The following PDZRN4 variants were observed in gnomAD, a reference collection of about 807,000 sequenced individuals.
The protein encoded by PDZRN4 is PDZ domain-containing RING finger protein 4.
In PDZRN4, 70 loss-of-function variants were observed where a neutral mutation model predicts 99.0. The observed-to-expected ratio is 0.71, with a 90% CI of 0.58 to 0.86. The LOEUF is 0.86. PDZRN4 is among the 40% of genes least tolerant of loss of function. PDZRN4 has a pLI of 0.00. For missense variants in PDZRN4, 1,474 were observed against 1,331.2 expected (o/e 1.11, Z -1.67); for synonymous variants, 551 against 501.6 (o/e 1.10, Z -1.32).
intron 3 of PDZRN4, among the ~76,000 whole-genome samples, chr12:41,301,125 C>T (rs1225577049): frequency 1.3e-5 from 2 of 151,870 alleles, no homozygotes; most frequent in Non-Finnish European, 2.9e-5. Context: ...GGGAAATATC[C>T]CCAAACTCAT....
intron 3 of PDZRN4, among the ~76,000 whole-genome samples, chr12:41,204,542 A>G (rs932198398): frequency 1.3e-5 from 2 of 151,974 alleles, no homozygotes; most frequent in Non-Finnish European, 1.5e-5. Context: ...AACTTACAAC[A>G]ATGACCAAAG....
intron 5 of PDZRN4, among the ~76,000 whole-genome samples, chr12:41,517,063 T>C (rs919647908): frequency 1.3e-5 from 2 of 152,088 alleles, no homozygotes; most frequent in Non-Finnish European, 2.9e-5. Context: ...GATTTCTTAC[T>C]GAACGAAACA....
rs936248890 is a variant in PDZRN4, at chr12:41,188,345, C to T, written c.-111C>T. Reference sequence around the variant, plus strand: ...ATCACACCTCCCACCCGCCACCTCCCTCCACTGCCGCCGCCGCGAGACGGC... The same window carrying T: ...ATCACACCTCCCACCCGCCACCTCCTTCCACTGCCGCCGCCGCGAGACGGC... On this transcript the variant is annotated 5_prime_UTR_variant, in exon 1 of 10. Coordinates refer to ENST00000402685, the MANE Select transcript of PDZRN4 (RefSeq NM_001164595.2). 4.8e-6 allele frequency: 5 copies of T among 1,043,706 alleles called. No homozygotes were observed. Among genetic ancestry groups the T allele is most frequent in the Non-Finnish European group, 6.7e-6 (5 of 747,474 alleles). 64.7% of individuals were successfully genotyped at this position (1,043,706 alleles called of 1,614,324 possible). A position where few individuals can be genotyped will look rare whatever the true frequency, so the allele number is the denominator to read the frequency against.
chr12:41,378,651 T>A (rs1367019484), intron 3 of PDZRN4, among the ~76,000 whole-genome samples: 2 of 150,924 alleles, frequency 1.3e-5, no homozygotes, highest in African/African-American at 4.9e-5. Flanking sequence ...GCCTCCCAAG[T>A]AGCTGGGATT....
intron 3 of PDZRN4, among the ~76,000 whole-genome samples, chr12:41,329,729 T>C (rs1250761082): frequency 3.3e-5 from 5 of 152,128 alleles, no homozygotes; most frequent in Non-Finnish European, 7.4e-5. Context: ...TTTCTAGGCT[T>C]TTTAATGAGT....
intron 3 of PDZRN4, among the ~76,000 whole-genome samples, chr12:41,268,072 T>C (rs1385779718): frequency 6.6e-6 from 1 of 152,206 alleles, no homozygotes; most frequent in East Asian, 1.9e-4. Flanking sequence ...ATACTATGCA[T>C]AGGTTTCTGT....
intron 3 of PDZRN4, among the ~76,000 whole-genome samples, chr12:41,246,883 AT>A (rs1323440353): frequency 2.0e-5 from 3 of 151,844 alleles, no homozygotes; most frequent in Non-Finnish European, 4.4e-5. Flanking sequence ...TATACAGTTA[AT>A]TTTTTTTCTA....
At chr12:41,214,980 A>G (rs1368575706) in intron 3 of PDZRN4, among the ~76,000 whole-genome samples, 3 of 152,122 alleles carry the variant, frequency 2.0e-5, no homozygotes, top group Non-Finnish European at 2.9e-5. Flanking sequence ...CTCATGAACT[A>G]TAAAAATCTG....
chr12:41,246,798 G>A (rs975820008), intron 3 of PDZRN4, among the ~76,000 whole-genome samples: 1 of 152,042 alleles, frequency 6.6e-6, no homozygotes, highest in Non-Finnish European at 1.5e-5. Context: ...TTATGCCACC[G>A]GACATGAAAT....
chr12:41,368,729 C>A (rs1287432020), intron 3 of PDZRN4, among the ~76,000 whole-genome samples: 3 of 152,042 alleles, frequency 2.0e-5, no homozygotes, highest in Admixed American at 6.6e-5. Context: ...ATTATTTGTT[C>A]TTTAAAGGAA....
chr12:41,496,232 A>T (rs1156266007), intron 3 of PDZRN4, among the ~76,000 whole-genome samples: 1 of 152,014 alleles, frequency 6.6e-6, no homozygotes, highest in Non-Finnish European at 1.5e-5. Context: ...TATTACTGTC[A>T]TTGTCACTGC....
At chr12:41,531,148 C>T (rs1449701259) in intron 5 of PDZRN4, among the ~76,000 whole-genome samples, 1 of 152,104 alleles carries the variant, frequency 6.6e-6, no homozygotes, top group Non-Finnish European at 1.5e-5. Flanking sequence ...GGGTTCTTGC[C>T]TTGGTGTACC....
At chr12:41,572,328 T>C (rs1427358203) in intron 9 of PDZRN4, 36 bp from the exon 10 acceptor site, 1 of 1,526,384 alleles carries the variant, frequency 6.6e-7, no homozygotes, top group Non-Finnish European at 8.9e-7. Flanking sequence ...TCCAAAATCA[T>C]TAATTTTCTT....
chr12:41,333,723 A>G (rs1951754238), intron 3 of PDZRN4, among the ~76,000 whole-genome samples: 1 of 152,144 alleles, frequency 6.6e-6, no homozygotes, highest in South Asian at 2.1e-4. Context: ...CTCAGTTCTC[A>G]TAGACTATTG....
intron 3 of PDZRN4, among the ~76,000 whole-genome samples, chr12:41,425,539 T>A (rs1952528557): frequency 1.3e-5 from 2 of 152,102 alleles, no homozygotes; most frequent in Non-Finnish European, 2.9e-5. Flanking sequence ...AGGAGAGGTC[T>A]TCAAATATAA....
intron 3 of PDZRN4, among the ~76,000 whole-genome samples, chr12:41,388,093 T>C (rs752953472): frequency 6.6e-6 from 1 of 152,114 alleles, no homozygotes; most frequent in Non-Finnish European, 1.5e-5. Flanking sequence ...TATGCAGTCA[T>C]AAAAGAATGA....
At chr12:41,296,064 T>C (rs1195049007) in intron 3 of PDZRN4, among the ~76,000 whole-genome samples, 3 of 152,130 alleles carry the variant, frequency 2.0e-5, no homozygotes, top group South Asian at 2.1e-4. Context: ...GCCCATACCA[T>C]AGACATCTCA....
chr12:41,378,384 T>A (rs1201256205), intron 3 of PDZRN4, among the ~76,000 whole-genome samples: 1 of 152,132 alleles, frequency 6.6e-6, no homozygotes, highest in Non-Finnish European at 1.5e-5. Context: ...ATTTGCTGTA[T>A]TTTGAGAATT....
At chr12:41,511,434 T>C (rs1425888470) in intron 5 of PDZRN4, among the ~76,000 whole-genome samples, 1 of 152,072 alleles carries the variant, frequency 6.6e-6, no homozygotes, top group Non-Finnish European at 1.5e-5. Context: ...ACAAGCTCTC[T>C]GTAGCCTGTA....
Sources: allele counts gnomAD v4.1 joint callset (sites outside exome capture counted in the v4.1 genomes callset), GRCh38; gene constraint gnomAD v4.1.1; transcripts MANE v1.5; gene names NCBI Gene and HGNC (gene_info 2026-07-23, HGNC 2026-07-21).